DMXL2: variants seen among roughly 807,000 people sequenced by gnomAD.
The protein encoded by DMXL2 is Dmx like 2, also known as dmX-like protein 2.
In DMXL2, 103 loss-of-function variants were observed where a neutral mutation model predicts 331.1. The observed-to-expected ratio is 0.31, with a 90% CI of 0.27 to 0.37. The LOEUF (loss-of-function observed/expected upper bound fraction) is 0.37, where lower values mean the gene tolerates loss of function less well. DMXL2 is among the 10% of genes least tolerant of loss of function. The pLI is 1.00. For synonymous variants in DMXL2, 1,281 were observed against 1,252.1 expected (o/e 1.02, Z -0.49); for missense variants, 3,171 against 3,642.9 (o/e 0.87, Z 3.33).
At chr15:51,581,976 T>C (rs898185717) in intron 1 of DMXL2, among the ~76,000 whole-genome samples, 1 of 152,180 alleles carries the variant, frequency 6.6e-6, no homozygotes, top group Non-Finnish European at 1.5e-5. Context: ...GAATACTATA[T>C]CAAGAGTGTT....
At chr15:51,489,491 T>C (rs918562607) in intron 20 of DMXL2, among the ~76,000 whole-genome samples, 2 of 152,084 alleles carry the variant, frequency 1.3e-5, no homozygotes, top group Non-Finnish European at 2.9e-5. Context: ...ACCCCGTCTC[T>C]ACTAATACTA....
At chr15:51,557,267 A>G (rs1387413814) in intron 6 of DMXL2, among the ~76,000 whole-genome samples, 1 of 152,214 alleles carries the variant, frequency 6.6e-6, no homozygotes, top group African/African-American at 2.4e-5. Flanking sequence ...AAAAATTTAC[A>G]TGATGATTCC....
At chr15:51,588,978 T>C (rs1007096662) in intron 1 of DMXL2, among the ~76,000 whole-genome samples, 4 of 152,200 alleles carry the variant, frequency 2.6e-5, no homozygotes, top group African/African-American at 7.2e-5. Flanking sequence ...CTATTTTACA[T>C]AGAGCCGTAG....
At chr15:51,487,252 T>A (rs944372321) in intron 22 of DMXL2, among the ~76,000 whole-genome samples, 6 of 152,160 alleles carry the variant, frequency 3.9e-5, no homozygotes, top group African/African-American at 1.4e-4. Context: ...AAACTGGAGT[T>A]TCAGTTCCTT....
chr15:51,599,411 T>C (rs2053067305), intron 1 of DMXL2, among the ~76,000 whole-genome samples: 1 of 152,220 alleles, frequency 6.6e-6, no homozygotes, highest in South Asian at 2.1e-4. Flanking sequence ...TGTATGTTTA[T>C]GTATGTATCT....
At chr15:51,613,760 T>G (rs1378390015) in intron 1 of DMXL2, among the ~76,000 whole-genome samples, 1 of 151,958 alleles carries the variant, frequency 6.6e-6, no homozygotes, top group Admixed American at 6.5e-5. Context: ...TTGTCCAGCA[T>G]AAAATTATCA....
At chr15:51,601,280 G>A (rs2053208166) in intron 1 of DMXL2, among the ~76,000 whole-genome samples, 1 of 57,588 alleles carries the variant, frequency 1.7e-5, no homozygotes, top group Non-Finnish European at 4.1e-5. Context: ...GACAAAGCAA[G>A]ACTCCATCTC....
At position 51,526,095 on chromosome 15, in the gene DMXL2, G is replaced by GAA. The variant is rs1251494172; in HGVS notation, c.2437-8930_2437-8929dup. ...TCCACTCCCATCTCTAGATGGCTCAGAAAAGAGAGAGAGAAAGAGAGAGGG... is the reference window on the plus strand; with the variant it reads ...TCCACTCCCATCTCTAGATGGCTCAGAAAAAAGAGAGAGAGAAAGAGAGAGGG... On this transcript the variant is annotated intron_variant, in intron 13 of 43. Coordinates refer to ENST00000560891, the MANE Select transcript of DMXL2 (RefSeq NM_001378457.1). Among the ~76,000 whole-genome samples, 349 of 141,956 alleles carry GAA rather than the reference G, an allele frequency of 2.5e-3. 3 individuals are homozygous for GAA. The highest frequency in any genetic ancestry group is 5.1e-3 in the Admixed American group (69 of 13,424). 93.1% of individuals were successfully genotyped at this position (141,956 alleles called of 152,430 possible).
chr15:51,529,157 CAAGG>C (rs1236989033), intron 13 of DMXL2, among the ~76,000 whole-genome samples: 6 of 151,804 alleles, frequency 4.0e-5, no homozygotes, highest in Admixed American at 3.9e-4. Flanking sequence ...CATCAAAAAA[CAAGG>C]AAGACTTCAA....
intron 1 of DMXL2, among the ~76,000 whole-genome samples, chr15:51,619,901 A>T (rs1390070635): frequency 6.6e-6 from 1 of 152,166 alleles, no homozygotes; most frequent in Admixed American, 6.5e-5. Flanking sequence ...AAAAGCCCAC[A>T]CAATGAGAAG....
rs755287660 is a variant in DMXL2, at chr15:51,451,783, T to C, written c.8697-86A>G. 524 of 1,216,996 alleles carry C rather than the reference T, an allele frequency of 4.3e-4. 2 individuals carry two copies. Among genetic ancestry groups the C allele is most frequent in the Admixed American group, 1.1e-3 (62 of 54,060 alleles). 75.4% of individuals were successfully genotyped at this position (1,216,996 alleles called of 1,614,324 possible). A position where few individuals can be genotyped will look rare whatever the true frequency, so the allele number is the denominator to read the frequency against. ...GGACAACCTGTCTTTCAGTCAAATATTTTGCTTATTCATTCTTATCTTTTT... is the reference window on the plus strand; with the variant it reads ...GGACAACCTGTCTTTCAGTCAAATACTTTGCTTATTCATTCTTATCTTTTT... On this transcript the variant is annotated intron_variant, in intron 41 of 43. Coordinates refer to ENST00000560891, the MANE Select transcript of DMXL2 (RefSeq NM_001378457.1).
At chr15:51,521,139 A>C (rs1450903271) in intron 13 of DMXL2, among the ~76,000 whole-genome samples, 1 of 152,164 alleles carries the variant, frequency 6.6e-6, no homozygotes, top group Non-Finnish European at 1.5e-5. Context: ...TACAAGGTTG[A>C]AAATAAACAC....
chr15:51,521,309 T>C (rs1225457118), intron 13 of DMXL2, among the ~76,000 whole-genome samples: 1 of 152,048 alleles, frequency 6.6e-6, no homozygotes, highest in Non-Finnish European at 1.5e-5. Context: ...GTATGGATAG[T>C]AATATTACAT....
rs994764285 is a variant in DMXL2, at chr15:51,448,902, A to G, written c.*82T>C. 3.7e-6 allele frequency: 5 copies of G among 1,343,540 alleles called. No individual in the cohort carries two copies. The highest frequency in any genetic ancestry group is 5.2e-6 in the Non-Finnish European group (5 of 962,738). 83.2% of individuals were successfully genotyped at this position (1,343,540 alleles called of 1,614,324 possible). A position where few individuals can be genotyped will look rare whatever the true frequency, so the allele number is the denominator to read the frequency against. ...ACAGAGATTCTCTGTTTTCAATACAACTGCTTAGAAAGCAGAATTGCCTAG... is the reference window on the plus strand; with the variant it reads ...ACAGAGATTCTCTGTTTTCAATACAGCTGCTTAGAAAGCAGAATTGCCTAG... On this transcript the variant is annotated 3_prime_UTR_variant, in exon 44 of 44. Transcript: ENST00000560891.
intron 1 of DMXL2, among the ~76,000 whole-genome samples, chr15:51,596,057 A>G (rs1445515427): frequency 2.0e-5 from 3 of 152,260 alleles, no homozygotes; most frequent in Non-Finnish European, 2.9e-5. Context: ...AACAAAAGCC[A>G]AAATTGACAA....
At chr15:51,528,505 C>G in intron 13 of DMXL2, among the ~76,000 whole-genome samples, 1 of 152,002 alleles carries the variant, frequency 6.6e-6, no homozygotes, top group East Asian at 1.9e-4. Context: ...GTTTTCAAGA[C>G]AAAAACTGTA....
At chr15:51,538,481 A>T (rs577560992) in intron 9 of DMXL2, 29 bp from the exon 10 acceptor site, 5 of 1,510,420 alleles carry the variant, frequency 3.3e-6, no homozygotes, top group East Asian at 4.8e-5. Flanking sequence ...TTTCAATATA[A>T]TTTTTTTTAT....
chr15:51,619,754 T>A (rs2054512235), intron 1 of DMXL2, among the ~76,000 whole-genome samples: 1 of 152,200 alleles, frequency 6.6e-6, no homozygotes, highest in South Asian at 2.1e-4. Flanking sequence ...CAGCTAAGAA[T>A]CATGAGTTAG....
intron 1 of DMXL2, among the ~76,000 whole-genome samples, chr15:51,617,915 A>C (rs1447302181): frequency 6.6e-6 from 1 of 152,212 alleles, no homozygotes; most frequent in East Asian, 1.9e-4. Flanking sequence ...AAGAACTTAT[A>C]AACCCTATAT....
Sources: allele counts gnomAD v4.1 joint callset (sites outside exome capture counted in the v4.1 genomes callset), GRCh38; gene constraint gnomAD v4.1.1; transcripts MANE v1.5; gene names NCBI Gene and HGNC (gene_info 2026-07-23, HGNC 2026-07-21).